Variants in SPG7 observed in about 807,000 individuals in gnomAD.
SPG7 encodes the protein mitochondrial inner membrane m-AAA protease component paraplegin.
SPG7 carries 103 observed loss-of-function variants against 81.9 expected under a neutral mutation model. The observed-to-expected ratio is 1.26, with a 90% CI of 1.07 to 1.48. The LOEUF is 1.48. Among genes scored for constraint, SPG7 ranks in the 40% most tolerant of loss-of-function variants. SPG7 has a pLI of 0.00. For missense variants in SPG7, 1,241 were observed against 1,087.3 expected, an observed-to-expected ratio of 1.14 and a Z score of -1.99; for synonymous variants, 534 against 444.2, an observed-to-expected ratio of 1.20 and a Z score of -2.54.
At position 89,532,655 on chromosome 16, in the gene SPG7, C is replaced by G. The variant is rs555731734; in HGVS notation, c.1324+19C>G. On this transcript the variant is annotated intron_variant, in intron 9 of 16. Transcript: ENST00000645818. ...ATGGATGGTCAGTGCTCGTGCGCCCCGCACCCCCATTGCACCATCAGAGGA... is the reference window on the plus strand; with the variant it reads ...ATGGATGGTCAGTGCTCGTGCGCCCGGCACCCCCATTGCACCATCAGAGGA... 2 of 1,612,656 alleles carry G rather than the reference C, an allele frequency of 1.2e-6. No homozygotes were observed. Among genetic ancestry groups the G allele is most frequent in the Non-Finnish European group, 1.7e-6 (2 of 1,179,972 alleles).
rs893983477 is a variant in SPG7 at position 89,546,684 on chromosome 16, C to T, written c.1476C>T (p.His492=). 1 of 1,613,444 alleles carries T rather than the reference C, an allele frequency of 6.2e-7. No homozygotes were observed. The highest frequency in any genetic ancestry group is 1.7e-5 in the Admixed American group (1 of 59,980). Residue 492 remains histidine (H), a synonymous_variant, in exon 11 of 17, where the codon CAC becomes CAT. Coordinates refer to ENST00000645818, the MANE Select transcript of SPG7 (RefSeq NM_003119.4). ...AGAGGCGGGAGATTTTTGAGCAGCA[C>T]CTGAAGAGCCTGAAGCTGACCCAGT... ...LQERREIFEQ[H]LKSLKLTQSS...
In SPG7 at chr16:89,530,665, T is replaced by G. The variant is rs746896823; in HGVS notation, c.862-18T>G. The G allele has an allele frequency of 1.4e-5, 22 of 1,613,956 alleles. No homozygotes were observed. The Middle Eastern group carries it at 1.8e-3, about 133-fold the overall frequency. ...CCTGACTTCGCCCAGCTCCTTGCAC[T>G]TTGTTCTTTCTGCACAGAATCAGCT... On this transcript the variant is annotated intron_variant, in intron 6 of 16. Coordinates refer to ENST00000645818, the MANE Select transcript of SPG7 (RefSeq NM_003119.4).
intron 3 of SPG7, 40 bp downstream of exon 3, chr16:89,513,077 G>T: frequency 6.4e-7 from 1 of 1,565,624 alleles, no homozygotes; most frequent in Non-Finnish European, 8.7e-7. Context: ...AGCTGCCTCT[G>T]GATGTCTTTA....
At chr16:89,535,877 C>CCTCTCTGGTGCTGTGTGGCCTTCAG (rs2058408257) in intron 9 of SPG7, among the ~76,000 whole-genome samples, 35 of 70,538 alleles carry the variant, frequency 5.0e-4, no homozygotes, top group Admixed American at 8.7e-4. Flanking sequence ...GTGGCCTTCA[C>CCTCTCTGGTGCTGTGTGGCCTTCAG]TGTGGCCTCT....
intron 5 of SPG7, among the ~76,000 whole-genome samples, chr16:89,527,921 C>G (rs1003043970): frequency 2.6e-5 from 4 of 151,542 alleles, no homozygotes; most frequent in Admixed American, 2.6e-4. Flanking sequence ...CATGGAGAAC[C>G]CCATCTCTAC....
rs374082677 is a variant in SPG7, at chr16:89,512,974, A to T, written c.313A>T (p.Arg105Trp). The change falls in exon 3 of 17, where the codon AGG (arginine) becomes TGG (tryptophan). Residue 105 changes from arginine (R) to tryptophan (W), a missense_variant. Transcript: ENST00000645818. The stretch of plus-strand genomic sequence containing the variant: ...TGGTACTTTCTATTTTAACACCTCA[A>T]GGTTGAAGCAGAAGAATAAGGAGAA... ...LGGTFYFNTSRLKQKNKEKDK... is the reference protein window; with the variant it reads ...LGGTFYFNTSWLKQKNKEKDK... The T allele has an allele frequency of 3.1e-6, 5 of 1,613,180 alleles. No individual in the cohort carries two copies. Among genetic ancestry groups the T allele is most frequent in the Non-Finnish European group, 4.2e-6 (5 of 1,179,346 alleles).
intron 8 of SPG7, 102 bp from the exon 9 acceptor site, chr16:89,532,361 C>A (rs2058355960): frequency 7.1e-7 from 1 of 1,408,654 alleles, no homozygotes; most frequent in Non-Finnish European, 1.0e-6. Context: ...GAGCTGGTAG[C>A]TTTAGTTGTC....
Position 89,554,581 on chromosome 16 carries a change from CGTG to C in SPG7, c.2181+20_2181+22del. 1 of 1,584,284 alleles carries C rather than the reference CGTG, an allele frequency of 6.3e-7. No homozygotes were observed. The highest frequency in any genetic ancestry group is 1.1e-5 in the South Asian group (1 of 90,346). ...TGCAGGCGGTGAGGCCCTGGCCAGG[CGTG>C]GGGGCTACGGCGTCACACAGTGTCC... On this transcript the variant is annotated intron_variant, in intron 16 of 16. Transcript: ENST00000645818.
intron 5 of SPG7, 115 bp from the exon 6 acceptor site, chr16:89,529,362 G>T: frequency 1.4e-6 from 1 of 735,480 alleles, no homozygotes; most frequent in Non-Finnish European, 2.5e-6. Flanking sequence ...GGTCCCAGAC[G>T]TAGGGATTCC....
rs201464738 is a variant in SPG7, at chr16:89,526,367, T to C, written c.657T>C (p.Ile219=). The C allele has an allele frequency of 1.4e-5, 23 of 1,614,154 alleles. No individual in the cohort carries two copies. The East Asian group carries it at 5.1e-4, about 36-fold the overall frequency. The change falls in exon 5 of 17, where the codon ATT becomes ATC. Residue 219 remains isoleucine, a synonymous_variant. Coordinates refer to ENST00000645818, the MANE Select transcript of SPG7 (RefSeq NM_003119.4). ...TGTACCGAATGCAGGTTGCAAATAT[T>C]GACAAGTTTGAAGAGAAGCTTCGAG... ...ALMYRMQVAN[I]DKFEEKLRAA... is the part of the protein sequence containing the mutation.
chr16:89,513,621 C>T (rs974701384), intron 3 of SPG7, among the ~76,000 whole-genome samples: 2 of 152,286 alleles, frequency 1.3e-5, no homozygotes, highest in Middle Eastern at 3.4e-3. Flanking sequence ...GTAGTCATAG[C>T]TCAGGAGTTG....
chr16:89,513,671 C>G (rs554698517), intron 3 of SPG7, among the ~76,000 whole-genome samples: 1 of 152,318 alleles, frequency 6.6e-6, no homozygotes, highest in South Asian at 2.1e-4. Flanking sequence ...CAGCTTCAGA[C>G]TCACAGCCCC....
intron 5 of SPG7, among the ~76,000 whole-genome samples, chr16:89,528,038 A>T (rs1597626483): frequency 6.6e-6 from 1 of 152,224 alleles, no homozygotes; most frequent in South Asian, 2.1e-4. Flanking sequence ...TGATGTACAG[A>T]AGATGGAGGG....
At chr16:89,513,657 G>A (rs2058051837) in intron 3 of SPG7, among the ~76,000 whole-genome samples, 1 of 152,218 alleles carries the variant, frequency 6.6e-6, no homozygotes, top group African/African-American at 2.4e-5. Context: ...AGGAGTTGGA[G>A]GCTCAGCTTC....
chr16:89,545,014 C>G (rs1348473474), intron 10 of SPG7: 1 of 567,650 alleles, frequency 1.8e-6, no homozygotes, highest in African/African-American at 1.9e-5. Flanking sequence ...TGCCCAATGG[C>G]TGCACTCACT....
intron 3 of SPG7, among the ~76,000 whole-genome samples, chr16:89,515,140 G>T (rs1260583716): frequency 6.6e-5 from 10 of 150,790 alleles, no homozygotes; most frequent in Admixed American, 6.6e-4. Context: ...GTTTCACCGT[G>T]TTAGCCAGGA....
In SPG7 at chr16:89,546,681, G is replaced by T; in HGVS notation, c.1473G>T (p.Gln491His). The T allele has an allele frequency of 1.2e-6, 2 of 1,613,390 alleles. No individual in the cohort carries two copies. The highest frequency in any genetic ancestry group is 1.7e-6 in the Non-Finnish European group (2 of 1,179,506). ...TLQERREIFEQHLKSLKLTQS... is the reference protein window; with the variant it reads ...TLQERREIFEHHLKSLKLTQS... ...AGGAGAGGCGGGAGATTTTTGAGCA[G>T]CACCTGAAGAGCCTGAAGCTGACCC... Residue 491 changes from glutamine (Q) to histidine (H), a missense_variant, in exon 11 of 17, where the codon CAG (glutamine) becomes CAT (histidine). Gln to His is a conservative substitution (Grantham distance 24). Coordinates refer to ENST00000645818, the MANE Select transcript of SPG7 (RefSeq NM_003119.4).
chr16:89,531,849 A>C (rs2058346591), intron 7 of SPG7, 55 bp from the exon 8 acceptor site: 3 of 1,605,120 alleles, frequency 1.9e-6, no homozygotes, highest in African/African-American at 1.3e-5. Context: ...ACCTCTAAAA[A>C]ACAAAAAAAC....
At chr16:89,550,806 G>T (rs888240538) in intron 13 of SPG7, among the ~76,000 whole-genome samples, 197 bp downstream of exon 13, 4 of 152,338 alleles carry the variant, frequency 2.6e-5, no homozygotes, top group African/African-American at 9.6e-5. Context: ...CGACTGATGG[G>T]CGGGAACTCG....
Sources: allele counts gnomAD v4.1 joint callset (sites outside exome capture counted in the v4.1 genomes callset), GRCh38; gene constraint gnomAD v4.1.1; transcripts MANE v1.5; gene names NCBI Gene and HGNC (gene_info 2026-07-23, HGNC 2026-07-21).